BLMH: variants seen among roughly 807,000 people sequenced by gnomAD.
The protein encoded by BLMH is bleomycin hydrolase.
Under a neutral mutation model 61.6 loss-of-function variants are expected in BLMH, and 32 were observed. The ratio of observed to expected loss-of-function variants is 0.52; its 90% CI spans 0.39 to 0.70. The LOEUF (loss-of-function observed/expected upper bound fraction) is 0.70, where lower values mean the gene tolerates loss of function less well. Among genes scored for constraint, BLMH ranks in the 30% least tolerant of loss-of-function variants. The probability of loss-of-function intolerance (pLI) is 0.00; values close to 1 mark genes in which losing one functional copy is unlikely to be tolerated. For missense variants in BLMH, 460 were observed against 555.5 expected, an observed-to-expected ratio of 0.83 and a Z score of 1.73; for synonymous variants, 183 against 193.8, an observed-to-expected ratio of 0.94 and a Z score of 0.46.
In BLMH at chr17:30,271,357, A is replaced by G; in HGVS notation, c.1060T>C (p.Leu354=). The G allele has an allele frequency of 6.2e-7, 1 of 1,614,102 alleles. No homozygotes were observed. Among genetic ancestry groups the G allele is most frequent in the Non-Finnish European group, 8.5e-7 (1 of 1,179,952 alleles). The change falls in exon 10 of 12, where the codon TTG becomes CTG. Residue 354 remains leucine (L), a synonymous_variant. Coordinates refer to ENST00000261714, the MANE Select transcript of BLMH (RefSeq NM_000386.4). Reference sequence around the variant, plus strand: ...CTCTCCGCTTTATTCATGTTCTTCAAGGAGACACCAAACACTAACTCATGG... The same window carrying G: ...CTCTCCGCTTTATTCATGTTCTTCAGGGAGACACCAAACACTAACTCATGG... ...YDHELVFGVS[L]KNMNKAERLT...
chr17:30,289,490 A>T lies in BLMH; in HGVS notation c.212-8T>A. The T allele has an allele frequency of 6.3e-7, 1 of 1,596,520 alleles. No homozygotes were observed. The highest frequency in any genetic ancestry group is 8.6e-7 in the Non-Finnish European group (1 of 1,167,922). On this transcript the variant is annotated splice_region_variant and splice_polypyrimidine_tract_variant and intron_variant, in intron 2 of 11. Transcript: ENST00000261714. ...AAAAGATCCAGCATCGCCCTGAAACAAGAAAGCACATCAAGAAATTATGAG... is the reference window on the plus strand; with the variant it reads ...AAAAGATCCAGCATCGCCCTGAAACTAGAAAGCACATCAAGAAATTATGAG...
chr17:30,254,737 AAGG>A (rs756319943), intron 11 of BLMH, among the ~76,000 whole-genome samples: 8 of 152,236 alleles, frequency 5.3e-5, no homozygotes, highest in Non-Finnish European at 1.2e-4. Context: ...GGAAACATGA[AAGG>A]AGGAGAAAGA....
intron 6 of BLMH, among the ~76,000 whole-genome samples, chr17:30,282,548 G>A (rs948353254): frequency 3.9e-5 from 6 of 152,032 alleles, no homozygotes; most frequent in Non-Finnish European, 7.4e-5. Context: ...AAGGGGATCC[G>A]CAGGCTAAAA....
intron 11 of BLMH, among the ~76,000 whole-genome samples, chr17:30,259,057 C>T (rs997368345): frequency 2.0e-5 from 3 of 152,204 alleles, no homozygotes; most frequent in African/African-American, 7.2e-5. Flanking sequence ...CCTAAGGAGG[C>T]CTCACAGTTC....
At chr17:30,286,076 G>A (rs1007645988) in intron 5 of BLMH, among the ~76,000 whole-genome samples, 11 of 152,100 alleles carry the variant, frequency 7.2e-5, no homozygotes, top group East Asian at 1.9e-4. Flanking sequence ...AATCCCCAGC[G>A]TTTCCAGGGT....
chr17:30,266,752 T>C, intron 11 of BLMH, 133 bp downstream of exon 11: 1 of 805,796 alleles, frequency 1.2e-6, no homozygotes, highest in Non-Finnish European at 2.0e-6. Context: ...GATCCTCAGA[T>C]TTTTCTGTAG....
intron 7 of BLMH, 135 bp from the exon 8 acceptor site, chr17:30,273,034 A>C: frequency 1.0e-6 from 1 of 969,162 alleles, no homozygotes; most frequent in South Asian, 1.7e-5. Flanking sequence ...CCACATTGTT[A>C]AGTAACAAAG....
At position 30,291,916 on chromosome 17, in the gene BLMH, GTC is replaced by G; in HGVS notation, c.-99_-98del. On this transcript the variant is annotated 5_prime_UTR_variant, in exon 1 of 12. Transcript: ENST00000261714. Reference sequence around the variant, plus strand: ...GCTCGCTGCCTAGGGGGCCCGACCTGTCTCTCGCACCCGGAGCGCCGGAAAAA... The same window carrying G: ...GCTCGCTGCCTAGGGGGCCCGACCTGTCTCGCACCCGGAGCGCCGGAAAAA... 8.1e-7 allele frequency: 1 copy of G among 1,230,500 alleles called. No individual in the cohort carries two copies. 76.2% of individuals were successfully genotyped at this position (1,230,500 alleles called of 1,614,324 possible). A position where few individuals can be genotyped will look rare whatever the true frequency, so the allele number is the denominator to read the frequency against.
intron 11 of BLMH, chr17:30,249,799 G>C (rs1352579546): frequency 6.6e-6 from 1 of 152,488 alleles, no homozygotes; most frequent in Non-Finnish European, 1.5e-5. Context: ...GGAAATCTAC[G>C]ATGACGATCA....
intron 10 of BLMH, among the ~76,000 whole-genome samples, chr17:30,267,547 T>C (rs190198022): frequency 9.2e-5 from 14 of 152,312 alleles, no homozygotes; most frequent in Admixed American, 6.5e-4. Context: ...AGAGACTGAA[T>C]GGCAAAGCAA....
At chr17:30,275,754 A>T (rs1908406499) in intron 6 of BLMH, among the ~76,000 whole-genome samples, 1 of 152,048 alleles carries the variant, frequency 6.6e-6, no homozygotes, top group African/African-American at 2.4e-5. Flanking sequence ...GAATAAAGAA[A>T]GTATTTTATC....
intron 6 of BLMH, among the ~76,000 whole-genome samples, chr17:30,274,730 C>G (rs1172136609): frequency 6.6e-6 from 1 of 152,014 alleles, no homozygotes; most frequent in Non-Finnish European, 1.5e-5. Context: ...GCCTGTAATC[C>G]CAGTACTTTG....
intron 11 of BLMH, among the ~76,000 whole-genome samples, chr17:30,259,174 T>C (rs941729010): frequency 1.3e-5 from 2 of 152,234 alleles, no homozygotes; most frequent in African/African-American, 4.8e-5. Context: ...AAACACCATA[T>C]GGGGCCAAGA....
chr17:30,271,021 C>T (rs952467833), intron 10 of BLMH, among the ~76,000 whole-genome samples: 5 of 152,174 alleles, frequency 3.3e-5, no homozygotes, highest in African/African-American at 1.2e-4. Flanking sequence ...CATGACCTTC[C>T]AAAGTTACAG....
intron 11 of BLMH, 71 bp downstream of exon 11, chr17:30,266,814 G>C: frequency 1.4e-6 from 2 of 1,384,078 alleles, no homozygotes; most frequent in Non-Finnish European, 1.0e-6. Flanking sequence ...CACTAGAGCA[G>C]CTTGACACCC....
At chr17:30,275,739 G>A (rs572236137) in intron 6 of BLMH, among the ~76,000 whole-genome samples, 2 of 150,928 alleles carry the variant, frequency 1.3e-5, no homozygotes, top group South Asian at 4.2e-4. Flanking sequence ...CCCTGCACAA[G>A]GACAGAATAA....
intron 11 of BLMH, among the ~76,000 whole-genome samples, chr17:30,262,685 C>T (rs1907989464): frequency 6.6e-6 from 1 of 152,140 alleles, no homozygotes; most frequent in African/African-American, 2.4e-5. Flanking sequence ...GTCCCAGCTA[C>T]TTGGGAGGCT....
chr17:30,250,532 T>C (rs1157160542), intron 11 of BLMH, among the ~76,000 whole-genome samples: 4 of 152,088 alleles, frequency 2.6e-5, no homozygotes, highest in Non-Finnish European at 5.9e-5. Context: ...AAAACCACAA[T>C]GTGATACCAC....
intron 2 of BLMH, 77 bp downstream of exon 2, chr17:30,291,234 C>T (rs1342706343): frequency 6.6e-7 from 1 of 1,513,870 alleles, no homozygotes; most frequent in African/African-American, 1.4e-5. Context: ...GAATTTAAGA[C>T]CACTCTTAAA....
Sources: gnomAD v4.1 joint callset for allele counts (sites outside exome capture counted in the v4.1 genomes callset) on GRCh38, gnomAD v4.1.1 for gene constraint, MANE v1.5 for transcripts, NCBI Gene and HGNC (gene_info 2026-07-23, HGNC 2026-07-21) for gene names.